SH3PXD2B: variants seen among roughly 807,000 people sequenced by gnomAD.
The protein encoded by SH3PXD2B is SH3 and PX domains 2B, also known as SH3 and PX domain-containing protein 2B.
In SH3PXD2B, 37 loss-of-function variants were observed where a neutral mutation model predicts 73.1. The observed-to-expected ratio is 0.51, with a 90% CI of 0.39 to 0.67. SH3PXD2B has a LOEUF of 0.67. Among genes scored for constraint, SH3PXD2B ranks in the 30% least tolerant of loss-of-function variants. SH3PXD2B has a pLI of 0.00. For synonymous variants in SH3PXD2B, 457 were observed against 480.5 expected, an observed-to-expected ratio of 0.95 and a Z score of 0.64; for missense variants, 1,053 against 1,197.8, an observed-to-expected ratio of 0.88 and a Z score of 1.78.
intron 6 of SH3PXD2B, among the ~76,000 whole-genome samples, chr5:172,363,624 AG>A (rs1757444641): frequency 6.6e-6 from 1 of 151,980 alleles, no homozygotes; most frequent in Non-Finnish European, 1.5e-5. Context: ...AGAGAGGAGG[AG>A]GGGTCATGAA....
At chr5:172,416,692 CTCTCTTTTTTTTTT>C (rs1469936323) in intron 2 of SH3PXD2B, among the ~76,000 whole-genome samples, 6 of 91,218 alleles carry the variant, frequency 6.6e-5, no homozygotes, top group African/African-American at 2.2e-4. Flanking sequence ...CTCTCTCTCT[CTCTCTTTTTTTTTT>C]TTTTTTTTTT....
At chr5:172,359,250 G>T (rs1335428019) in intron 7 of SH3PXD2B, among the ~76,000 whole-genome samples, 4 of 151,874 alleles carry the variant, frequency 2.6e-5, no homozygotes, top group Non-Finnish European at 5.9e-5. Flanking sequence ...AGCCAGGCAT[G>T]GTGGTGCATG....
intron 1 of SH3PXD2B, among the ~76,000 whole-genome samples, chr5:172,431,213 T>C (rs1336712619): frequency 1.3e-5 from 2 of 152,204 alleles, no homozygotes; most frequent in South Asian, 2.1e-4. Flanking sequence ...GCTGACTGGC[T>C]CATGGACACC....
At chr5:172,390,630 T>C (rs1758161205) in intron 4 of SH3PXD2B, among the ~76,000 whole-genome samples, 1 of 152,228 alleles carries the variant, frequency 6.6e-6, no homozygotes, top group Admixed American at 6.5e-5. Context: ...CACCAGCTGA[T>C]GAACTTGTGG....
chr5:172,329,083 A>ATATATTTTTTTTT (rs58472514), downstream of SH3PXD2B, among the ~76,000 whole-genome samples: 23 of 61,796 alleles, frequency 3.7e-4, no homozygotes, highest in Non-Finnish European at 6.0e-4. Context: ...ATATATATAT[A>ATATATTTTTTTTT]TTTTTTTTTT....
At position 172,335,103 on chromosome 5, in the gene SH3PXD2B, G is replaced by A; in HGVS notation, c.*3266C>T. The A allele has an allele frequency of 1.0e-6, 1 of 985,862 alleles. No individual in the cohort carries two copies. The highest frequency in any genetic ancestry group is 1.2e-6 in the Non-Finnish European group (1 of 830,292). 61.1% of individuals were successfully genotyped at this position (985,862 alleles called of 1,614,324 possible). A position where few individuals can be genotyped will look rare whatever the true frequency, so the allele number is the denominator to read the frequency against. Reference sequence around the variant, plus strand: ...GAAAGATTCCGAGCAGAACATGTGAGCAAAGGCCTCTTTTATCAAGAGGTG... The same window carrying A: ...GAAAGATTCCGAGCAGAACATGTGAACAAAGGCCTCTTTTATCAAGAGGTG... On this transcript the variant is annotated 3_prime_UTR_variant, in exon 13 of 13. Coordinates refer to ENST00000311601, the MANE Select transcript of SH3PXD2B (RefSeq NM_001017995.3).
chr5:172,447,763 C>T (rs749813826), intron 1 of SH3PXD2B, among the ~76,000 whole-genome samples: 1 of 152,206 alleles, frequency 6.6e-6, no homozygotes, highest in East Asian at 1.9e-4. Flanking sequence ...GATATGACTG[C>T]TCCACCTCCT....
chr5:172,328,264 C>A (rs1470559381), intron 12 of SH3PXD2B, among the ~76,000 whole-genome samples: 11 of 151,736 alleles, frequency 7.2e-5, no homozygotes, highest in Admixed American at 2.0e-4. Context: ...TGCCACCATG[C>A]CTGGCTAATT....
At chr5:172,447,789 C>T (rs985285081) in intron 1 of SH3PXD2B, among the ~76,000 whole-genome samples, 1 of 152,152 alleles carries the variant, frequency 6.6e-6, no homozygotes, top group African/African-American at 2.4e-5. Flanking sequence ...CCTGAGACAC[C>T]TGCAGCAGCA....
chr5:172,368,585 TATAAAATATGTTATATATATAA>T (rs1757609232), intron 6 of SH3PXD2B, among the ~76,000 whole-genome samples: 2 of 16,494 alleles, frequency 1.2e-4, no homozygotes, highest in African/African-American at 1.0e-3. Context: ...TATATATATA[TATAAAATATGTTATATATATAA>T]TATATATGTT....
At position 172,339,521 on chromosome 5, in the gene SH3PXD2B, G is replaced by T; in HGVS notation, c.1584C>A (p.Ser528=). 1.2e-6 allele frequency: 2 copies of T among 1,614,112 alleles called. No homozygotes were observed. Among genetic ancestry groups the T allele is most frequent in the South Asian group, 2.2e-5 (2 of 91,086 alleles). Residue 528 remains serine, a synonymous_variant, in exon 13 of 13, where the codon TCC becomes TCA. Transcript: ENST00000311601. This position sits in a 1 kb window ranked among gnomAD's most constrained non-coding sequence, Gnocchi z 6.1. Reference sequence around the variant, plus strand: ...GCAGCTCCCCCTCCGACTTGATGATGGATTCTTTCCGCGGAGGGAGGCTGG... The same window carrying T: ...GCAGCTCCCCCTCCGACTTGATGATTGATTCTTTCCGCGGAGGGAGGCTGG... The part of the protein sequence containing the change: ...EKPSLPPRKE[S]IIKSEGELLE...
chr5:172,422,400 G>C lies in SH3PXD2B; in HGVS notation c.156+16C>G, dbSNP rs1449524987. On this transcript the variant is annotated intron_variant, in intron 2 of 12. Coordinates refer to ENST00000311601, the MANE Select transcript of SH3PXD2B (RefSeq NM_001017995.3). ...CTTTCCGATCCTGCAGCTCACCAGA[G>C]ACCTCAAATCCTTACCTGGAGGTCA... 1.3e-6 allele frequency: 2 copies of C among 1,599,814 alleles called. No individual in the cohort carries two copies. The highest frequency in any genetic ancestry group is 8.5e-7 in the Non-Finnish European group (1 of 1,172,976).
chr5:172,374,878 T>C (rs1243182555), intron 5 of SH3PXD2B, among the ~76,000 whole-genome samples: 1 of 152,210 alleles, frequency 6.6e-6, no homozygotes, highest in Non-Finnish European at 1.5e-5. Flanking sequence ...GCATTTGTAG[T>C]TCACTCATTC....
Position 172,362,856 on chromosome 5 carries a change from G to A in SH3PXD2B, c.441C>T (p.Thr147=). The stretch of plus-strand genomic sequence containing the variant: ...GCTCCAGGACCATGGGGTCCACTGA[G>A]GTTTGGTCACCCCCTGTGGATAGGA... ...IGKKKSGGDQ[T]SVDPMVLEQY... is the part of the protein sequence containing the mutation. The change falls in exon 7 of 13, where the codon ACC becomes ACT. Residue 147 remains threonine, a synonymous_variant. Coordinates refer to ENST00000311601, the MANE Select transcript of SH3PXD2B (RefSeq NM_001017995.3). The A allele has an allele frequency of 6.2e-7, 1 of 1,614,152 alleles. No homozygotes were observed. Among genetic ancestry groups the A allele is most frequent in the Non-Finnish European group, 8.5e-7 (1 of 1,180,038 alleles).
At chr5:172,384,263 C>A (rs966180172) in intron 4 of SH3PXD2B, among the ~76,000 whole-genome samples, 4 of 152,100 alleles carry the variant, frequency 2.6e-5, no homozygotes, top group Admixed American at 6.5e-5. Flanking sequence ...TGAATGGAGG[C>A]CTCCAGTGTG....
chr5:172,381,085 C>T (rs902478971), intron 5 of SH3PXD2B, among the ~76,000 whole-genome samples: 11 of 152,248 alleles, frequency 7.2e-5, no homozygotes, highest in African/African-American at 2.7e-4. Flanking sequence ...CAAAAGGGAG[C>T]ATGTGTCTTT....
intron 1 of SH3PXD2B, 51 bp downstream of exon 1, chr5:172,454,226 GC>G: frequency 3.3e-6 from 5 of 1,517,966 alleles, no homozygotes; most frequent in Admixed American, 1.8e-5. Context: ...GCCCTCGGTC[GC>G]CCCCGACGGG....
rs372927940 is a variant in SH3PXD2B at position 172,400,365 on chromosome 5, A to G, written c.233-5726T>C. 2.2e-3 allele frequency among the ~76,000 whole-genome samples: 342 copies of G among 152,330 alleles called. 1 individual carries two copies. Among genetic ancestry groups the G allele is most frequent in the African/African-American group, 7.9e-3 (327 of 41,574 alleles). On this transcript the variant is annotated intron_variant, in intron 3 of 12. Transcript: ENST00000311601. ...TTTAAAAAACAATTGCTCCTCTGGC[A>G]GAAGGGAATGCCTGGAGGCTACTTA... is the stretch of plus-strand genomic sequence containing the variant.
chr5:172,375,483 C>T (rs566624214), intron 5 of SH3PXD2B, among the ~76,000 whole-genome samples: 2 of 152,110 alleles, frequency 1.3e-5, no homozygotes, highest in Non-Finnish European at 2.9e-5. Context: ...AAAAAGAAGC[C>T]CTATACCTGT....
Sources: allele counts gnomAD v4.1 joint callset (sites outside exome capture counted in the v4.1 genomes callset), GRCh38; gene constraint gnomAD v4.1.1; non-coding constraint Gnocchi (gnomAD v3.1); transcripts MANE v1.5; gene names NCBI Gene and HGNC (gene_info 2026-07-23, HGNC 2026-07-21).